Variants in SV2C observed in about 807,000 individuals in gnomAD.
SV2C encodes the protein solute carrier family 22 member B3.
Under a neutral mutation model 79.7 loss-of-function variants are expected in SV2C, and 49 were observed. The observed-to-expected ratio is 0.61, with a 90% CI of 0.49 to 0.78. The LOEUF is 0.78. Among genes scored for constraint, SV2C ranks in the 30% least tolerant of loss-of-function variants. SV2C has a pLI of 0.00. For missense variants in SV2C, 833 were observed against 912.9 expected, an observed-to-expected ratio of 0.91 and a Z score of 1.13; for synonymous variants, 334 against 333.2, an observed-to-expected ratio of 1.00 and a Z score of -0.03.
At chr5:76,249,186 A>C (rs1009280166) in intron 4 of SV2C, among the ~76,000 whole-genome samples, 3 of 152,236 alleles carry the variant, frequency 2.0e-5, no homozygotes, top group Non-Finnish European at 4.4e-5. Flanking sequence ...GTATACACAC[A>C]GAAGTTCTCC....
intron 2 of SV2C, among the ~76,000 whole-genome samples, chr5:76,156,400 A>G (rs145864276): frequency 7.2e-5 from 11 of 152,262 alleles, no homozygotes; most frequent in Admixed American, 2.6e-4. Flanking sequence ...ACAAATCACA[A>G]TAGCAATCCC....
chr5:76,055,553 TG>T, the SV2C span, among the ~76,000 whole-genome samples: 1 of 152,210 alleles, frequency 6.6e-6, no homozygotes, highest in South Asian at 2.1e-4. Context: ...GGTAGTTTGA[TG>T]CAAATAGCAT....
chr5:76,258,130 G>A (rs80047685), intron 4 of SV2C, among the ~76,000 whole-genome samples: 15,222 of 144,144 alleles, frequency 0.11, 876 homozygotes, highest in South Asian at 0.17. Flanking sequence ...ATGGTATATG[G>A]GGTGTGTGTG....
At chr5:76,173,003 G>A (rs1245768743) in intron 2 of SV2C, among the ~76,000 whole-genome samples, 2 of 121,976 alleles carry the variant, frequency 1.6e-5, no homozygotes, top group African/African-American at 6.1e-5. Flanking sequence ...CCATGACCCT[G>A]CCAAATCCCC....
At chr5:76,078,356 G>A in the SV2C span, among the ~76,000 whole-genome samples, 1 of 152,138 alleles carries the variant, frequency 6.6e-6, no homozygotes, top group Non-Finnish European at 1.5e-5. Context: ...TGCTAACAGT[G>A]GACTTTGAAG....
chr5:76,241,992 A>G, intron 4 of SV2C: 1 of 1,092,448 alleles, frequency 9.2e-7, no homozygotes, highest in Non-Finnish European at 1.4e-6. Context: ...TACAGTCACC[A>G]GAAGTACACA....
downstream of SV2C, among the ~76,000 whole-genome samples, chr5:76,338,659 CT>C (rs60550344): frequency 0.65 from 77,125 of 119,076 alleles, 23,628 homozygotes; most frequent in Middle Eastern, 0.68. Flanking sequence ...TTTTCTTTTT[CT>C]TTTTTTTTTT....
the SV2C span, among the ~76,000 whole-genome samples, chr5:76,047,766 C>CTT: frequency 5.8e-3 from 745 of 129,250 alleles, 7 homozygotes; most frequent in African/African-American, 0.016. Flanking sequence ...TTTTTCTTTT[C>CTT]TTTTTTTTTT....
intron 3 of SV2C, among the ~76,000 whole-genome samples, chr5:76,202,015 CAAAAA>C (rs373279209): frequency 1.2e-5 from 1 of 82,138 alleles, no homozygotes; most frequent in East Asian, 3.6e-4. Context: ...GACTCCATCT[CAAAAA>C]AAAAAAAAAA....
intron 3 of SV2C, among the ~76,000 whole-genome samples, chr5:76,197,389 A>G (rs1744299106): frequency 6.6e-6 from 1 of 152,174 alleles, no homozygotes; most frequent in Admixed American, 6.5e-5. Context: ...AGTCTGGCCC[A>G]TGCAAGAAAC....
the SV2C span, among the ~76,000 whole-genome samples, chr5:76,037,988 G>A: frequency 2.0e-5 from 3 of 152,200 alleles, no homozygotes; most frequent in African/African-American, 7.2e-5. Context: ...GTATTAGGGT[G>A]GGAGTGACCC....
rs1357860985 is a variant in SV2C at position 76,326,248 on chromosome 5, T to C, written c.*701T>C. Reference sequence around the variant, plus strand: ...TCTGAAAAGTGTGAGGAAAAAGAACTGTAACAGTATCTGTGACTGTGGCAT... The same window carrying C: ...TCTGAAAAGTGTGAGGAAAAAGAACCGTAACAGTATCTGTGACTGTGGCAT... On this transcript the variant is annotated 3_prime_UTR_variant, in exon 13 of 13. Coordinates refer to ENST00000502798, the MANE Select transcript of SV2C (RefSeq NM_014979.4). The C allele has an allele frequency of 1.3e-5, 2 of 152,238 alleles. No homozygotes were observed. Among genetic ancestry groups the C allele is most frequent in the Non-Finnish European group, 2.9e-5 (2 of 68,036 alleles). 9.4% of individuals were successfully genotyped at this position (152,238 alleles called of 1,614,324 possible).
the SV2C span, among the ~76,000 whole-genome samples, chr5:75,923,218 T>C: frequency 2.6e-5 from 4 of 152,108 alleles, no homozygotes; most frequent in Non-Finnish European, 4.4e-5. Flanking sequence ...AAGCCACATG[T>C]AGAAGAATGA....
At chr5:75,929,581 T>C in the SV2C span, among the ~76,000 whole-genome samples, 1 of 152,138 alleles carries the variant, frequency 6.6e-6, no homozygotes, top group South Asian at 2.1e-4. Flanking sequence ...AAGGTAATAT[T>C]AATTACAAGA....
chr5:76,194,924 A>G lies in SV2C; in HGVS notation c.586A>G (p.Ile196Val). 6.2e-7 allele frequency: 1 copy of G among 1,613,980 alleles called. No homozygotes were observed. The highest frequency in any genetic ancestry group is 8.5e-7 in the Non-Finnish European group (1 of 1,179,916). The stretch of plus-strand genomic sequence containing the variant: ...TTGTTTTCTGTGTGTTGCAGGCAGC[A>G]TAGTGTACCTCGGGATGATGGTGGG... ...PNSGSGWLGS[I>V]VYLGMMVGAF... The change falls in exon 3 of 13, where the codon ATA (isoleucine) becomes GTA (valine). Residue 196 changes from isoleucine to valine, a missense_variant. By Grantham distance (29) the Ile-to-Val change is conservative. Transcript: ENST00000502798.
the SV2C span, among the ~76,000 whole-genome samples, chr5:76,023,881 G>A: frequency 1.3e-5 from 2 of 151,270 alleles, no homozygotes; most frequent in African/African-American, 4.9e-5. Flanking sequence ...AATTCTTTGG[G>A]GTGGGTCTCC....
intron 4 of SV2C, among the ~76,000 whole-genome samples, chr5:76,224,703 CT>C (rs141475973): frequency 0.024 from 3,688 of 152,132 alleles, 146 homozygotes; most frequent in African/African-American, 0.083. Context: ...CCTCAAAATC[CT>C]TTTTCTTCCA....
the SV2C span, among the ~76,000 whole-genome samples, chr5:75,890,437 C>A: frequency 6.6e-6 from 1 of 152,072 alleles, no homozygotes; most frequent in Non-Finnish European, 1.5e-5. Context: ...AGCCTAGAAG[C>A]CTTCAAAGGT....
chr5:75,851,517 A>G, the SV2C span, among the ~76,000 whole-genome samples: 2 of 152,364 alleles, frequency 1.3e-5, no homozygotes, highest in African/African-American at 4.8e-5. Flanking sequence ...CATACAATTC[A>G]TATGTACCCA....
Sources: allele counts gnomAD v4.1 joint callset (sites outside exome capture counted in the v4.1 genomes callset), GRCh38; gene constraint gnomAD v4.1.1; transcripts MANE v1.5; gene names NCBI Gene and HGNC (gene_info 2026-07-23, HGNC 2026-07-21).